Variants in FOXP2 observed in about 807,000 individuals in gnomAD.
FOXP2 encodes forkhead box protein P2.
Under a neutral mutation model 115.8 loss-of-function variants are expected in FOXP2, and 12 were observed. The observed-to-expected ratio is 0.10, with a 90% confidence interval of 0.07 to 0.17. The LOEUF (loss-of-function observed/expected upper bound fraction) is 0.17, where lower values mean the gene tolerates loss of function less well. FOXP2 is among the 10% of genes least tolerant of loss of function. FOXP2 has a pLI of 1.00. For synonymous variants in FOXP2, 328 were observed against 297.7 expected, an observed-to-expected ratio of 1.10 and a Z score of -1.05; for missense variants, 629 against 843.5, an observed-to-expected ratio of 0.75 and a Z score of 3.15.
chr7:114,600,274 A>G (rs1442844979), intron 3 of FOXP2, among the ~76,000 whole-genome samples: 1 of 152,200 alleles, frequency 6.6e-6, no homozygotes. Context: ...ATCATACAAT[A>G]TGCAGCCTTT....
chr7:114,188,233 A>T (rs1428414304), intron 1 of FOXP2, among the ~76,000 whole-genome samples: 1 of 152,208 alleles, frequency 6.6e-6, no homozygotes, highest in Non-Finnish European at 1.5e-5. Flanking sequence ...ATTTGGAATA[A>T]AATACGAACA....
At chr7:114,124,131 C>T (rs1179957163) in intron 1 of FOXP2, among the ~76,000 whole-genome samples, 5 of 151,952 alleles carry the variant, frequency 3.3e-5, no homozygotes, top group African/African-American at 1.2e-4. Context: ...TAACTACAGT[C>T]AAAATGGTTA....
chr7:114,593,848 G>C (rs768403246), intron 3 of FOXP2, among the ~76,000 whole-genome samples: 56 of 151,888 alleles, frequency 3.7e-4, no homozygotes, highest in Non-Finnish European at 7.1e-4. Flanking sequence ...TTATATATAT[G>C]ATGCTAAAAA....
chr7:114,678,668 A>G (rs1361223283), intron 16 of FOXP2, among the ~76,000 whole-genome samples: 1 of 151,594 alleles, frequency 6.6e-6, no homozygotes, highest in Non-Finnish European at 1.5e-5. Flanking sequence ...CAGATGAAAA[A>G]TTAAAAATAA....
intron 1 of FOXP2, among the ~76,000 whole-genome samples, chr7:114,143,159 T>C (rs567646055): frequency 1.4e-5 from 2 of 148,016 alleles, no homozygotes. Context: ...ATAATAATAA[T>C]AATAATAATA....
intron 2 of FOXP2, among the ~76,000 whole-genome samples, chr7:114,515,882 A>G (rs1464711151): frequency 6.6e-6 from 1 of 152,194 alleles, no homozygotes; most frequent in African/African-American, 2.4e-5. Context: ...AAGGAGAACT[A>G]CAAACCACTG....
chr7:114,544,001 GTTT>G (rs770825934), intron 3 of FOXP2, among the ~76,000 whole-genome samples: 1 of 152,060 alleles, frequency 6.6e-6, no homozygotes, highest in Non-Finnish European at 1.5e-5. Flanking sequence ...TGCCTAGCAT[GTTT>G]TTTTCTTTTT....
chr7:114,199,012 T>C (rs753638135), intron 1 of FOXP2, among the ~76,000 whole-genome samples: 104 of 152,280 alleles, frequency 6.8e-4, no homozygotes, highest in Non-Finnish European at 1.3e-3. Flanking sequence ...ATATACTTTA[T>C]TGAAAAATAC....
chr7:114,306,390 A>C (rs911111122), intron 2 of FOXP2, among the ~76,000 whole-genome samples: 1 of 152,160 alleles, frequency 6.6e-6, no homozygotes, highest in Non-Finnish European at 1.5e-5. Context: ...TCAGCTAGGG[A>C]TATCTGCTAC....
At chr7:114,644,819 G>A (rs762715058) in intron 8 of FOXP2, 30 bp downstream of exon 8, 4 of 1,550,594 alleles carry the variant, frequency 2.6e-6, no homozygotes, top group Non-Finnish European at 2.7e-6. Context: ...TTGGTGGGGG[G>A]CGGGGGCTGG....
At chr7:114,521,501 C>A (rs1243017551) in intron 2 of FOXP2, among the ~76,000 whole-genome samples, 1 of 141,022 alleles carries the variant, frequency 7.1e-6, no homozygotes, top group Non-Finnish European at 1.5e-5. Context: ...CCACTGTACT[C>A]CAGCCTGGGC....
intron 1 of FOXP2, among the ~76,000 whole-genome samples, chr7:114,136,132 AG>A (rs1358926994): frequency 6.6e-6 from 1 of 152,072 alleles, no homozygotes; most frequent in African/African-American, 2.4e-5. Context: ...TTGCTACTAT[AG>A]GTTAATGTTT....
chr7:114,116,614 C>T (rs1791414225), intron 1 of FOXP2, among the ~76,000 whole-genome samples: 1 of 151,476 alleles, frequency 6.6e-6, no homozygotes, highest in South Asian at 2.1e-4. Context: ...GGATAAGAGT[C>T]AAAAATTAAA....
intron 16 of FOXP2, among the ~76,000 whole-genome samples, chr7:114,683,538 G>A (rs1197008517): frequency 1.3e-5 from 2 of 152,136 alleles, no homozygotes; most frequent in Non-Finnish European, 2.9e-5. Context: ...CAAAGATTCT[G>A]TAGTTTTGAG....
At chr7:114,572,067 T>C (rs978243336) in intron 3 of FOXP2, among the ~76,000 whole-genome samples, 1 of 151,888 alleles carries the variant, frequency 6.6e-6, no homozygotes, top group South Asian at 2.1e-4. Flanking sequence ...AGAAGAAATA[T>C]CTAATTTCAT....
chr7:114,328,694 T>A (rs1797621395), intron 2 of FOXP2, among the ~76,000 whole-genome samples: 1 of 152,234 alleles, frequency 6.6e-6, no homozygotes, highest in Non-Finnish European at 1.5e-5. Flanking sequence ...GGGTCTCTAA[T>A]CATGTCTTAT....
chr7:114,609,196 G>C (rs1803497249), intron 3 of FOXP2, among the ~76,000 whole-genome samples: 1 of 149,870 alleles, frequency 6.7e-6, no homozygotes. Flanking sequence ...CTGGATGACA[G>C]AGTGGGACTC....
At chr7:114,428,836 T>G (rs1793983551) in intron 2 of FOXP2, among the ~76,000 whole-genome samples, 1 of 151,554 alleles carries the variant, frequency 6.6e-6, no homozygotes, top group African/African-American at 2.4e-5. Context: ...AGCATATTTA[T>G]TAAAACAAAT....
chr7:114,447,130 C>G (rs1332812598), intron 2 of FOXP2, among the ~76,000 whole-genome samples: 1 of 152,044 alleles, frequency 6.6e-6, no homozygotes, highest in Non-Finnish European at 1.5e-5. Context: ...TTCACTCCCT[C>G]AATCCCCATA....
Sources: allele counts gnomAD v4.1 joint callset (sites outside exome capture counted in the v4.1 genomes callset), GRCh38; gene constraint gnomAD v4.1.1; transcripts MANE v1.5; gene names NCBI Gene and HGNC (gene_info 2026-07-23, HGNC 2026-07-21).